Variants in ENO4 observed in about 807,000 individuals in gnomAD.
ENO4 encodes the protein 2-phospho-D-glycerate hydro-lyase.
ENO4 carries 53 observed loss-of-function variants against 63.2 expected under a neutral mutation model. That is an observed-to-expected ratio of 0.84 (90% confidence interval 0.67 to 1.05). The LOEUF (loss-of-function observed/expected upper bound fraction) is 1.05. Ranked by LOEUF, ENO4 falls within the 50% of genes least tolerant of loss-of-function variation. The pLI is 0.00. For synonymous variants in ENO4, 266 were observed against 283.8 expected (o/e 0.94, Z 0.63); for missense variants, 719 against 772.0 (o/e 0.93, Z 0.81).
chr10:116,902,243 A>G (rs1847772623), intron 10 of ENO4, among the ~76,000 whole-genome samples: 1 of 152,140 alleles, frequency 6.6e-6, no homozygotes, highest in Middle Eastern at 3.2e-3. Context: ...GTAATACTGG[A>G]ATTGTGGAAA....
chr10:116,858,983 T>C lies in ENO4; in HGVS notation c.486-7T>C, dbSNP rs1846340479. ...CCACTGTAAAGCCATATTTTCTTGC[T>C]ATTAAGGATATTCTTCGCAAGTAAA... On this transcript the variant is annotated splice_region_variant and splice_polypyrimidine_tract_variant and intron_variant, in intron 3 of 13. Coordinates refer to ENST00000341276, the MANE Select transcript of ENO4 (RefSeq NM_001242699.2). 6.6e-7 allele frequency: 1 copy of C among 1,524,602 alleles called. No individual in the cohort carries two copies. The highest frequency in any genetic ancestry group is 8.8e-7 in the Non-Finnish European group (1 of 1,137,664). The allele number at this position is 1,524,602 out of a possible 1,614,324, so 94.4% of individuals were successfully genotyped here.
intron 10 of ENO4, chr10:116,906,775 A>C: frequency 6.3e-7 from 1 of 1,587,460 alleles, no homozygotes. Context: ...CAAAAACAAA[A>C]AGGTTAATGT....
chr10:116,904,616 T>C (rs866172222), intron 10 of ENO4, among the ~76,000 whole-genome samples: 17 of 152,294 alleles, frequency 1.1e-4, no homozygotes, highest in South Asian at 2.1e-4. Flanking sequence ...CCTAAAATAA[T>C]ACAAATATTT....
At position 116,879,353 on chromosome 10, in the gene ENO4, G is replaced by A. The variant is rs1720502979; in HGVS notation, c.1600G>A (p.Asp534Asn). ...AGAATCATCTGATGACAGCCTTGTCGATTTGGTAAGTGCTGAATGCTGGTC... is the reference window on the plus strand; with the variant it reads ...AGAATCATCTGATGACAGCCTTGTCAATTTGGTAAGTGCTGAATGCTGGTC... ...EGESSDDSLV[D>N]LAVGLGVRFI... The change falls in exon 12 of 14, where the codon GAT becomes AAT. Residue 534 changes from aspartate (D) to asparagine (N), a missense_variant. Asp to Asn is a conservative substitution (Grantham distance 23). Around this residue, in one of 3 missense-constraint regions of ENO4, gnomAD observed 168 missense variants for 163.3 expected, o/e 1.03. Coordinates refer to ENST00000341276, the MANE Select transcript of ENO4 (RefSeq NM_001242699.2). The A allele has an allele frequency of 6.5e-7, 1 of 1,549,252 alleles. No individual in the cohort carries two copies. The highest frequency in any genetic ancestry group is 1.2e-5 in the South Asian group (1 of 83,814).
intron 10 of ENO4, chr10:116,906,540 TAA>T (rs1847978002): frequency 7.5e-7 from 1 of 1,331,204 alleles, no homozygotes; most frequent in Admixed American, 2.7e-5. Flanking sequence ...TAATACTTTT[TAA>T]AAGATTGTTT....
chr10:116,849,634 C>CGA lies in ENO4; in HGVS notation c.69_70dup (p.Met24ArgfsTer49). The CGA allele has an allele frequency of 6.5e-7, 1 of 1,550,194 alleles. No homozygotes were observed. ...GAGCTGCAGAAGCTGAAGCAGCAGG[C>CGA]GATGGAGTACTACCGGGAGAACGAC... is the stretch of plus-strand genomic sequence containing the variant. On this transcript the variant is annotated frameshift_variant, in exon 1 of 14. Transcript: ENST00000341276. LOFTEE classifies it high-confidence loss of function.
chr10:116,906,527 T>A (rs1312218058), intron 10 of ENO4: 12 of 1,230,104 alleles, frequency 9.8e-6, no homozygotes, highest in Non-Finnish European at 1.3e-5. Context: ...ACAAATATTT[T>A]AATAATACTT....
chr10:116,860,770 T>G (rs770101502), intron 4 of ENO4, 24 bp from the exon 5 acceptor site: 9 of 1,403,470 alleles, frequency 6.4e-6, no homozygotes, highest in Non-Finnish European at 8.5e-6. Context: ...AATACAGTCT[T>G]ACTCTCAATA....
intron 1 of ENO4, among the ~76,000 whole-genome samples, chr10:116,854,617 T>C (rs552207582): frequency 1.6e-4 from 24 of 149,656 alleles, no homozygotes; most frequent in African/African-American, 5.7e-4. Flanking sequence ...GAATGCGTCA[T>C]GGTGTTCTAG....
chr10:116,905,858 G>C (rs772075397), intron 10 of ENO4, among the ~76,000 whole-genome samples: 1 of 152,122 alleles, frequency 6.6e-6, no homozygotes, highest in Non-Finnish European at 1.5e-5. Context: ...TCCCATGACC[G>C]AGCTGATGAA....
intron 10 of ENO4, among the ~76,000 whole-genome samples, chr10:116,903,101 C>T (rs982516142): frequency 3.3e-5 from 5 of 152,220 alleles, no homozygotes; most frequent in African/African-American, 1.2e-4. Context: ...CTGAGCCTTG[C>T]TCTATGCAGG....
rs1173120402 is a variant in ENO4 at position 116,881,635 on chromosome 10, A to G, written c.1844A>G (p.Glu615Gly). ...LVPTFPTQGV[E>G]ESAETGASSG is the part of the protein sequence containing the mutation. ...CCCACCTTCCCCACACAAGGTGTAG[A>G]GGAATCAGCCGAAACAGGAGCATCC... The change falls in exon 14 of 14, where the codon GAG (glutamate) becomes GGG (glycine). Residue 615 changes from glutamate (E) to glycine (G), a missense_variant. Coordinates refer to ENST00000341276, the MANE Select transcript of ENO4 (RefSeq NM_001242699.2). The G allele has an allele frequency of 1.3e-6, 2 of 1,548,908 alleles. No individual in the cohort carries two copies. The highest frequency in any genetic ancestry group is 3.9e-5 in the Admixed American group (2 of 50,762).
chr10:116,899,506 GGTGTGT>G (rs370396879), intron 10 of ENO4, among the ~76,000 whole-genome samples: 44 of 124,578 alleles, frequency 3.5e-4, no homozygotes, highest in South Asian at 1.1e-3. Context: ...GGCTGGGGCT[GGTGTGT>G]GTGTGTGTGT....
chr10:116,875,891 A>G (rs931417312), intron 10 of ENO4, among the ~76,000 whole-genome samples, 174 bp from the exon 11 acceptor site: 7 of 152,214 alleles, frequency 4.6e-5, no homozygotes, highest in African/African-American at 1.7e-4. Context: ...TGTTTCCCAA[A>G]GCTTCTTAGT....
intron 10 of ENO4, among the ~76,000 whole-genome samples, chr10:116,899,423 G>C (rs1274144198): frequency 6.6e-6 from 1 of 152,016 alleles, no homozygotes; most frequent in African/African-American, 2.4e-5. Flanking sequence ...GACCATACTA[G>C]GCAGCGAAGG....
In ENO4 at chr10:116,849,744, G is replaced by C. The variant is rs766536006; in HGVS notation, c.165+13G>C. 1 of 1,497,464 alleles carries C rather than the reference G, an allele frequency of 6.7e-7. No individual in the cohort carries two copies. The highest frequency in any genetic ancestry group is 8.9e-7 in the Non-Finnish European group (1 of 1,119,656). 92.8% of individuals were successfully genotyped at this position (1,497,464 alleles called of 1,614,324 possible). A position where few individuals can be genotyped will look rare whatever the true frequency, so the allele number is the denominator to read the frequency against. The stretch of plus-strand genomic sequence containing the variant: ...CTACGGGCACCTGGTAGGGACCTGG[G>C]ACAAGCGCTCTCCTCCCGCCAACCC... On this transcript the variant is annotated intron_variant, in intron 1 of 13. Transcript: ENST00000341276.
chr10:116,909,966 C>T (rs907493119), intron 10 of ENO4, among the ~76,000 whole-genome samples: 10 of 152,152 alleles, frequency 6.6e-5, no homozygotes, highest in Admixed American at 2.0e-4. Context: ...TTGTTTCTTA[C>T]ATGCCATGAT....
intron 7 of ENO4, among the ~76,000 whole-genome samples, chr10:116,867,178 C>T (rs1418552901): frequency 1.3e-5 from 2 of 152,082 alleles, no homozygotes; most frequent in African/African-American, 4.8e-5. Flanking sequence ...CATCATTTGG[C>T]TGGTGGCAGA....
chr10:116,854,916 G>A (rs1397828536), intron 1 of ENO4, among the ~76,000 whole-genome samples: 1 of 124,754 alleles, frequency 8.0e-6, no homozygotes, highest in Non-Finnish European at 1.6e-5. Context: ...TCTCCAGCCT[G>A]GCTGACAGAG....
Sources: allele counts gnomAD v4.1 joint callset (sites outside exome capture counted in the v4.1 genomes callset), GRCh38; gene constraint gnomAD v4.1.1; regional missense constraint gnomAD v4.1.1; transcripts MANE v1.5; gene names NCBI Gene and HGNC (gene_info 2026-07-23, HGNC 2026-07-21).